SV2C: variants seen among roughly 807,000 people sequenced by gnomAD.
The protein encoded by SV2C is solute carrier family 22 member B3.
Under a neutral mutation model 79.7 loss-of-function variants are expected in SV2C, and 49 were observed. The observed-to-expected ratio is 0.61, with a 90% CI of 0.49 to 0.78. The LOEUF (loss-of-function observed/expected upper bound fraction) is 0.78. Among genes scored for constraint, SV2C ranks in the 30% least tolerant of loss-of-function variants. SV2C has a pLI of 0.00. For missense variants in SV2C, 833 were observed against 912.9 expected (o/e 0.91, Z 1.13); for synonymous variants, 334 against 333.2 (o/e 1.00, Z -0.03).
At chr5:76,065,370 T>C in the SV2C span, among the ~76,000 whole-genome samples, 1 of 152,140 alleles carries the variant, frequency 6.6e-6, no homozygotes, top group Non-Finnish European at 1.5e-5. Flanking sequence ...TAAATATCTG[T>C]CAGAAGGTGG....
At chr5:76,016,254 TAA>T in the SV2C span, among the ~76,000 whole-genome samples, 8 of 90,366 alleles carry the variant, frequency 8.9e-5, 1 homozygote, top group African/African-American at 2.5e-4. Context: ...TTTAATTTTC[TAA>T]AAAAAAAAAA....
At chr5:75,954,456 T>C in the SV2C span, among the ~76,000 whole-genome samples, 2 of 152,018 alleles carry the variant, frequency 1.3e-5, no homozygotes, top group African/African-American at 4.8e-5. Flanking sequence ...GGGCAAAAAC[T>C]GGAAGCATTC....
the SV2C span, among the ~76,000 whole-genome samples, chr5:76,076,514 T>C: frequency 6.6e-6 from 1 of 152,250 alleles, no homozygotes; most frequent in African/African-American, 2.4e-5. Context: ...GTTGTTATTT[T>C]ATGTGCTTCA....
chr5:76,227,403 C>T lies in SV2C; in HGVS notation c.913+17516C>T, dbSNP rs376495851. On this transcript the variant is annotated intron_variant, in intron 4 of 12. Coordinates refer to ENST00000502798, the MANE Select transcript of SV2C (RefSeq NM_014979.4). ...AAAAGCTGTAGAAGGGGCATTTCCC[C>T]CCTGTCTGGCTCAAAGGGGGTTCTG... Among the ~76,000 whole-genome samples the T allele has an allele frequency of 3.3e-5, 5 of 152,284 alleles. No individual in the cohort carries two copies. The East Asian group carries it at 9.7e-4, about 29-fold the overall frequency.
intron 1 of SV2C, among the ~76,000 whole-genome samples, chr5:76,124,502 A>C (rs76426848): frequency 0.039 from 5,880 of 152,214 alleles, 371 homozygotes; most frequent in African/African-American, 0.13. Flanking sequence ...TTTTGCCTAG[A>C]CATTCATTGG....
At chr5:76,010,753 G>A in the SV2C span, among the ~76,000 whole-genome samples, 1 of 152,104 alleles carries the variant, frequency 6.6e-6, no homozygotes, top group African/African-American at 2.4e-5. Context: ...AAGGGTCCAG[G>A]CAGTATGTAT....
At chr5:76,009,986 ATTTTGTTTTT>A in the SV2C span, among the ~76,000 whole-genome samples, 6 of 100,008 alleles carry the variant, frequency 6.0e-5, no homozygotes, top group African/African-American at 1.9e-4. Context: ...TTACTTATCT[ATTTTGTTTTT>A]TTTTTTTTTT....
chr5:75,864,944 C>T, the SV2C span, among the ~76,000 whole-genome samples: 3 of 152,146 alleles, frequency 2.0e-5, no homozygotes, highest in African/African-American at 7.2e-5. Flanking sequence ...TGCAAGCAAC[C>T]CTACCACTGA....
chr5:75,882,286 G>T, the SV2C span, among the ~76,000 whole-genome samples: 1 of 151,686 alleles, frequency 6.6e-6, no homozygotes, highest in African/African-American at 2.4e-5. Flanking sequence ...CCATGCTCAT[G>T]GGTAGGAAGA....
chr5:76,093,387 T>C (rs564700321), intron 1 of SV2C, among the ~76,000 whole-genome samples: 1 of 152,258 alleles, frequency 6.6e-6, no homozygotes, highest in South Asian at 2.1e-4. Context: ...AGAATGTTGT[T>C]TGGGTGCCCA....
intron 4 of SV2C, among the ~76,000 whole-genome samples, chr5:76,245,100 C>G (rs553831257): frequency 6.4e-4 from 97 of 152,316 alleles, no homozygotes; most frequent in African/African-American, 2.3e-3. Flanking sequence ...CCAGAGTACC[C>G]TGTATGTCTA....
At chr5:75,861,977 G>C in the SV2C span, among the ~76,000 whole-genome samples, 1 of 152,150 alleles carries the variant, frequency 6.6e-6, no homozygotes, top group Admixed American at 6.5e-5. Context: ...AATGAAAGTT[G>C]AAGTTAATTT....
intron 12 of SV2C, among the ~76,000 whole-genome samples, chr5:76,340,539 T>A (rs1175565036): frequency 1.3e-5 from 2 of 152,128 alleles, no homozygotes; most frequent in Admixed American, 1.3e-4. Context: ...GTGGGACAGC[T>A]AGCAATAACT....
At chr5:76,104,804 C>A (rs183201707) in intron 1 of SV2C, among the ~76,000 whole-genome samples, 244 of 152,232 alleles carry the variant, frequency 1.6e-3, no homozygotes, top group African/African-American at 5.7e-3. Context: ...GAAGAAGGGA[C>A]CTGCTCTTTC....
At chr5:75,870,737 C>A in the SV2C span, among the ~76,000 whole-genome samples, 1 of 152,068 alleles carries the variant, frequency 6.6e-6, no homozygotes, top group Non-Finnish European at 1.5e-5. Flanking sequence ...CCAAAATGGT[C>A]AAGGATAAAG....
chr5:76,353,665 C>T (rs1375430184), exon 13 of SV2C: 1 of 152,286 alleles, frequency 6.6e-6, no homozygotes, highest in Non-Finnish European at 1.5e-5. Context: ...CCACTTTACA[C>T]ACTTGCCCAG....
chr5:76,314,238 C>A (rs1748549975), intron 12 of SV2C, among the ~76,000 whole-genome samples: 1 of 152,180 alleles, frequency 6.6e-6, no homozygotes, highest in Admixed American at 6.5e-5. Flanking sequence ...CGTATGGGGT[C>A]CAGCCTCCCA....
At chr5:76,133,246 A>T (rs994863189) in intron 2 of SV2C, among the ~76,000 whole-genome samples, 2 of 152,216 alleles carry the variant, frequency 1.3e-5, no homozygotes, top group Non-Finnish European at 2.9e-5. Context: ...TGCCTCAGAG[A>T]ACACGTTTAT....
chr5:76,048,475 A>G, the SV2C span, among the ~76,000 whole-genome samples: 3,819 of 152,216 alleles, frequency 0.025, 178 homozygotes, highest in African/African-American at 0.088. Context: ...TTCCAGAAAC[A>G]CCCTCACAGA....
Sources: allele counts gnomAD v4.1 joint callset (sites outside exome capture counted in the v4.1 genomes callset), GRCh38; gene constraint gnomAD v4.1.1; transcripts MANE v1.5; gene names NCBI Gene and HGNC (gene_info 2026-07-23, HGNC 2026-07-21).